Variants in NXPE2 observed in about 807,000 individuals in gnomAD.
NXPE2 encodes the protein NXPE family member 2.
NXPE2 carries 34 observed loss-of-function variants against 34.4 expected under a neutral mutation model. That is an observed-to-expected ratio of 0.99 (90% CI 0.75 to 1.31). The LOEUF is 1.31. Ranked by LOEUF, NXPE2 falls within the 40% of genes most tolerant of loss-of-function variation. The pLI is 0.00. For synonymous variants in NXPE2, 235 were observed against 231.3 expected (o/e 1.02, Z -0.15); for missense variants, 649 against 672.5 (o/e 0.97, Z 0.39).
chr11:114,799,291 C>G, the NXPE2 span, among the ~76,000 whole-genome samples: 2 of 94,294 alleles, frequency 2.1e-5, no homozygotes, highest in East Asian at 2.9e-4. Context: ...GGCAATGAAG[C>G]AAAAAAAAAA....
the NXPE2 span, among the ~76,000 whole-genome samples, chr11:114,659,401 G>A: frequency 6.7e-6 from 1 of 150,230 alleles, no homozygotes; most frequent in South Asian, 2.1e-4. Context: ...CAGTGAATGT[G>A]AGGATAGGTC....
the NXPE2 span, among the ~76,000 whole-genome samples, chr11:114,482,103 G>A: frequency 1.3e-5 from 2 of 152,090 alleles, no homozygotes; most frequent in South Asian, 2.1e-4. Context: ...TGGCTGGCAC[G>A]CACACATTTA....
At chr11:114,707,377 T>C, downstream of NXPE2, 1 of 401,002 alleles carries the variant, frequency 2.5e-6, no homozygotes, top group South Asian at 1.8e-5. Flanking sequence ...ATTACAGGCA[T>C]GAACCACCAT....
intron 2 of NXPE2, among the ~76,000 whole-genome samples, chr11:114,695,747 CT>C (rs1951237771): frequency 6.6e-6 from 1 of 151,976 alleles, no homozygotes; most frequent in Non-Finnish European, 1.5e-5. Flanking sequence ...AATCCCTGCA[CT>C]TTGGGAGGCC....
At chr11:114,740,505 T>C in the NXPE2 span, among the ~76,000 whole-genome samples, 1 of 152,192 alleles carries the variant, frequency 6.6e-6, no homozygotes, top group African/African-American at 2.4e-5. Flanking sequence ...TTGGGTCATA[T>C]TGTGTCTCTA....
At chr11:114,777,146 C>T in the NXPE2 span, among the ~76,000 whole-genome samples, 2 of 152,152 alleles carry the variant, frequency 1.3e-5, no homozygotes, top group African/African-American at 4.8e-5. Context: ...GAAAACACAC[C>T]TTCAAAAAGA....
the NXPE2 span, among the ~76,000 whole-genome samples, chr11:114,590,527 C>A: frequency 1.3e-5 from 2 of 152,290 alleles, no homozygotes; most frequent in South Asian, 4.1e-4. Flanking sequence ...AAATTCATCT[C>A]CTAACCTGGA....
intron 2 of NXPE2, among the ~76,000 whole-genome samples, chr11:114,681,844 G>T (rs190844094): frequency 3.8e-4 from 58 of 152,054 alleles, no homozygotes; most frequent in African/African-American, 1.3e-3. Flanking sequence ...AGCTACACAC[G>T]TCATTTTTGG....
the NXPE2 span, among the ~76,000 whole-genome samples, chr11:114,783,539 C>T: frequency 6.6e-6 from 1 of 152,222 alleles, no homozygotes; most frequent in East Asian, 1.9e-4. Flanking sequence ...AATTTTTTTC[C>T]TCCTCTGGAA....
At chr11:114,729,404 A>G in the NXPE2 span, among the ~76,000 whole-genome samples, 5 of 152,070 alleles carry the variant, frequency 3.3e-5, no homozygotes, top group Admixed American at 3.3e-4. Flanking sequence ...AGAATAATTC[A>G]TTTTCTTTCA....
In NXPE2 at chr11:114,706,587, T is replaced by C; in HGVS notation, c.1337T>C (p.Ile446Thr). ...DQVAGDKNTA[I>T]VITLGQHFRP... is the part of the protein sequence containing the mutation. The stretch of plus-strand genomic sequence containing the variant: ...GTAGCAGGAGACAAAAACACAGCCA[T>C]TGTCATTACCCTCGGCCAACACTTC... Residue 446 changes from isoleucine (I) to threonine (T), a missense_variant, in exon 6 of 6, where the codon ATT becomes ACT. Physicochemically the swap from Ile to Thr is moderately conservative, Grantham distance 89. Coordinates refer to ENST00000389586, the MANE Select transcript of NXPE2 (RefSeq NM_182495.6). 1 of 1,551,924 alleles carries C rather than the reference T, an allele frequency of 6.4e-7. No individual in the cohort carries two copies. Among genetic ancestry groups the C allele is most frequent in the East Asian group, 2.4e-5 (1 of 41,064 alleles).
Position 114,679,759 on chromosome 11 carries a change from A to G in NXPE2, c.129A>G (p.Thr43=). Residue 43 remains threonine, a synonymous_variant, in exon 2 of 6, where the codon ACA becomes ACG. Coordinates refer to ENST00000389586, the MANE Select transcript of NXPE2 (RefSeq NM_182495.6). ...TTTACTTGGCTTCAAAAGACCACAC[A>G]AAGGTAGGAAGTTTCATTTTTAAGA... ...WIIYLASKDH[T]KFSFNLENHI... is the part of the protein sequence containing the mutation. The G allele has an allele frequency of 6.5e-7, 1 of 1,536,342 alleles. No homozygotes were observed. Among genetic ancestry groups the G allele is most frequent in the Non-Finnish European group, 8.8e-7 (1 of 1,133,716 alleles).
At chr11:114,521,912 C>T in the NXPE2 span, 1 of 1,279,392 alleles carries the variant, frequency 7.8e-7, no homozygotes. Context: ...CTTTACAATA[C>T]ATGTGGGATT....
the NXPE2 span, among the ~76,000 whole-genome samples, chr11:114,645,417 A>T: frequency 2.6e-4 from 39 of 152,348 alleles, no homozygotes; most frequent in African/African-American, 8.9e-4. Flanking sequence ...GCGAACTTTA[A>T]AATTTCAGGA....
the NXPE2 span, among the ~76,000 whole-genome samples, chr11:114,556,468 G>T: frequency 2.6e-5 from 4 of 151,904 alleles, no homozygotes; most frequent in East Asian, 3.9e-4. Flanking sequence ...GAATTTCCCT[G>T]GTCAATTGCC....
At chr11:114,582,025 C>T in the NXPE2 span, among the ~76,000 whole-genome samples, 1 of 152,220 alleles carries the variant, frequency 6.6e-6, no homozygotes, top group Admixed American at 6.5e-5. Context: ...AGCACACACA[C>T]ATACACACAT....
intron 4 of NXPE2, among the ~76,000 whole-genome samples, chr11:114,704,526 T>C (rs1032602529): frequency 1.3e-5 from 2 of 152,228 alleles, no homozygotes; most frequent in Non-Finnish European, 2.9e-5. Context: ...TGAACTTTAG[T>C]GGTCAACACA....
At chr11:114,582,796 G>T in the NXPE2 span, 1 of 1,614,114 alleles carries the variant, frequency 6.2e-7, no homozygotes. Context: ...TACGTATCTC[G>T]AGGGTTGAGG....
chr11:114,577,844 T>C, the NXPE2 span, among the ~76,000 whole-genome samples: 1 of 152,226 alleles, frequency 6.6e-6, no homozygotes, highest in African/African-American at 2.4e-5. Flanking sequence ...TATTCTGTAC[T>C]TCTGTGTTTC....
Sources: gnomAD v4.1 joint callset for allele counts (sites outside exome capture counted in the v4.1 genomes callset) on GRCh38, gnomAD v4.1.1 for gene constraint, MANE v1.5 for transcripts, NCBI Gene and HGNC (gene_info 2026-07-23, HGNC 2026-07-21) for gene names.